The following KMT2C variants were observed in gnomAD, a reference collection of about 807,000 sequenced individuals.
KMT2C encodes the protein lysine methyltransferase 2C.
KMT2C carries 88 observed loss-of-function variants against 507.9 expected under a neutral mutation model. The observed-to-expected ratio is 0.17, with a 90% CI of 0.15 to 0.21. The LOEUF (loss-of-function observed/expected upper bound fraction) is 0.21. Among genes scored for constraint, KMT2C ranks in the 10% least tolerant of loss-of-function variants. The pLI is 1.00. For missense variants in KMT2C, 4,954 were observed against 5,957.8 expected (o/e 0.83, Z 5.55); for synonymous variants, 2,049 against 2,080.8 (o/e 0.98, Z 0.42).
At chr7:152,298,674 T>A (rs1458840700) in intron 6 of KMT2C, among the ~76,000 whole-genome samples, 1 of 152,186 alleles carries the variant, frequency 6.6e-6, no homozygotes, top group Non-Finnish European at 1.5e-5. Flanking sequence ...TGATGTCAGA[T>A]GAAAATCTGG....
intron 2 of KMT2C, among the ~76,000 whole-genome samples, chr7:152,346,910 A>G (rs2097063961): frequency 6.6e-6 from 1 of 151,596 alleles, no homozygotes. Flanking sequence ...GCGGATCAGG[A>G]GGTCAGGAGA....
At chr7:152,277,050 G>A (rs1032141422) in intron 6 of KMT2C, among the ~76,000 whole-genome samples, 2 of 151,988 alleles carry the variant, frequency 1.3e-5, no homozygotes, top group African/African-American at 2.4e-5. Flanking sequence ...CTGTCAAAAT[G>A]TATCCATAAA....
intron 39 of KMT2C, 62 bp downstream of exon 39, chr7:152,174,069 A>C: frequency 2.3e-6 from 2 of 876,364 alleles, no homozygotes; most frequent in Admixed American, 4.7e-5. Context: ...TTTTTCTAAA[A>C]ACTAGTAATG....
At chr7:152,414,575 A>G (rs2097715133) in intron 1 of KMT2C, among the ~76,000 whole-genome samples, 1 of 152,190 alleles carries the variant, frequency 6.6e-6, no homozygotes, top group Non-Finnish European at 1.5e-5. Context: ...AAACTACTCA[A>G]TAAGATTTAA....
At position 152,253,514 on chromosome 7, in the gene KMT2C, C is replaced by CAAAA. The variant is rs71198770; in HGVS notation, c.1300-803_1300-800dup. ...AGAAGGCAAAACACCTCTTTCTCTA[C>CAAAA]AAAAAAAAAAAAAAAAAAAAAAAAA... On this transcript the variant is annotated intron_variant, in intron 9 of 58. Coordinates refer to ENST00000262189, the MANE Select transcript of KMT2C (RefSeq NM_170606.3). Among the ~76,000 whole-genome samples, 72 of 39,492 alleles carry CAAAA rather than the reference C, an allele frequency of 1.8e-3. 2 individuals carry two copies. The highest frequency in any genetic ancestry group is 2.3e-3 in the Admixed American group (6 of 2,602). 25.9% of individuals were successfully genotyped at this position (39,492 alleles called of 152,430 possible). A position where few individuals can be genotyped will look rare whatever the true frequency, so the allele number is the denominator to read the frequency against.
intron 1 of KMT2C, among the ~76,000 whole-genome samples, chr7:152,417,798 C>A (rs1249037172): frequency 6.6e-6 from 1 of 151,840 alleles, no homozygotes; most frequent in Admixed American, 6.6e-5. Flanking sequence ...CCTGCCACCA[C>A]ACCCAGCTAA....
rs543154391 is a variant in KMT2C, at chr7:152,393,852, G to A, written c.162-35177C>T. On this transcript the variant is annotated intron_variant, in intron 1 of 58. Transcript: ENST00000262189. ...GGATGCAGTGCAGTGAGCCGAGATCGTGCCATTGCACTCCAGCCTGGGCAA... is the reference window on the plus strand; with the variant it reads ...GGATGCAGTGCAGTGAGCCGAGATCATGCCATTGCACTCCAGCCTGGGCAA... 1.2e-4 allele frequency among the ~76,000 whole-genome samples: 17 copies of A among 145,672 alleles called. No individual in the cohort carries two copies. The East Asian group carries it at 3.0e-3, about 26-fold the overall frequency.
chr7:152,334,194 G>A (rs556950664), intron 2 of KMT2C, among the ~76,000 whole-genome samples: 2 of 152,292 alleles, frequency 1.3e-5, no homozygotes, highest in African/African-American at 4.8e-5. Flanking sequence ...GGTGGCTCAC[G>A]CCTGTAATCC....
Position 152,138,408 on chromosome 7 carries a change from C to G in KMT2C, c.14643+388G>C. The stretch of plus-strand genomic sequence containing the variant: ...TTTGCCGCCCACAGCCCAACAGTGC[C>G]ATCTCAGGAGCCACGGCCCCCTTGG... On this transcript the variant is annotated intron_variant, in intron 58 of 58. Coordinates refer to ENST00000262189, the MANE Select transcript of KMT2C (RefSeq NM_170606.3). The surrounding 1 kb of genome is among the most constrained non-coding windows in gnomAD (Gnocchi z 4.2). 5.7e-6 allele frequency: 1 copy of G among 174,394 alleles called. No individual in the cohort carries two copies. Among genetic ancestry groups the G allele is most frequent in the East Asian group, 1.7e-4 (1 of 5,778 alleles). 10.8% of individuals were successfully genotyped at this position (174,394 alleles called of 1,614,324 possible). A position where few individuals can be genotyped will look rare whatever the true frequency, so the allele number is the denominator to read the frequency against.
At chr7:152,154,170 A>G in intron 47 of KMT2C, 24 bp from the exon 48 acceptor site, 1 of 1,612,276 alleles carries the variant, frequency 6.2e-7, no homozygotes, top group Non-Finnish European at 8.5e-7. Context: ...GAAAAAAAAG[A>G]GGAAAATAGT....
intron 2 of KMT2C, among the ~76,000 whole-genome samples, chr7:152,332,094 T>C (rs1182320746): frequency 2.0e-5 from 3 of 152,186 alleles, no homozygotes; most frequent in African/African-American, 7.2e-5. Flanking sequence ...TTCTAAAAGC[T>C]TAATATTTGA....
At chr7:152,338,100 C>T (rs1204154235) in intron 2 of KMT2C, among the ~76,000 whole-genome samples, 3 of 152,052 alleles carry the variant, frequency 2.0e-5, no homozygotes, top group East Asian at 1.9e-4. Context: ...CCTCGTGATC[C>T]GCTTGCCTCA....
Position 152,194,039 on chromosome 7 carries a change from G to A in KMT2C, c.4630C>T (p.Pro1544Ser). 1 of 1,584,100 alleles carries A rather than the reference G, an allele frequency of 6.3e-7. No homozygotes were observed. The highest frequency in any genetic ancestry group is 1.2e-5 in the South Asian group (1 of 85,476). The part of the protein sequence containing the change: ...QPTPLPQPPP[P>S]TQLLPIHNQD... ...TTGTGTATTGGCAACAGCTGTGTTGGTGGGGGAGGCTGTGGCAATGGAGTT... is the reference window on the plus strand; with the variant it reads ...TTGTGTATTGGCAACAGCTGTGTTGATGGGGGAGGCTGTGGCAATGGAGTT... The change falls in exon 31 of 59, where the codon CCA (proline) becomes TCA (serine). Residue 1544 changes from proline to serine, a missense_variant. Around this residue, in one of 29 missense-constraint regions of KMT2C, gnomAD observed 195 missense variants for 183.7 expected, o/e 1.06. Coordinates refer to ENST00000262189, the MANE Select transcript of KMT2C (RefSeq NM_170606.3).
intron 39 of KMT2C, among the ~76,000 whole-genome samples, chr7:152,173,607 C>CT (rs2093061376): frequency 1.3e-5 from 2 of 152,186 alleles, no homozygotes; most frequent in South Asian, 4.1e-4. Flanking sequence ...CTACTGTCTT[C>CT]TTTAATGCGT....
At chr7:152,368,544 G>C in intron 1 of KMT2C, 3 of 1,375,360 alleles carry the variant, frequency 2.2e-6, no homozygotes, top group Non-Finnish European at 3.1e-6. Context: ...AAGAATTAGA[G>C]GAAAAACGTC....
At chr7:152,249,214 T>C (rs2095523198) in intron 13 of KMT2C, among the ~76,000 whole-genome samples, 1 of 152,092 alleles carries the variant, frequency 6.6e-6, no homozygotes, top group Non-Finnish European at 1.5e-5. Context: ...TAAATCAGGA[T>C]ACCAGTATGT....
At chr7:152,425,066 T>C (rs1421063441) in intron 1 of KMT2C, among the ~76,000 whole-genome samples, 2 of 152,144 alleles carry the variant, frequency 1.3e-5, no homozygotes, top group African/African-American at 4.8e-5. Context: ...TGAATACCCA[T>C]AGGCATGATT....
intron 6 of KMT2C, among the ~76,000 whole-genome samples, chr7:152,282,874 G>GT (rs2096243852): frequency 1.3e-5 from 2 of 151,926 alleles, no homozygotes; most frequent in South Asian, 2.1e-4. Context: ...GAAAAATTAA[G>GT]TTTTTTCTAG....
At chr7:152,389,352 CAAAA>C (rs386411673) in intron 1 of KMT2C, among the ~76,000 whole-genome samples, 2 of 77,666 alleles carry the variant, frequency 2.6e-5, no homozygotes, top group Admixed American at 1.4e-4. Flanking sequence ...GACTCCGTCT[CAAAA>C]AAAAAAAAAA....
Sources: gnomAD v4.1 joint callset for allele counts (sites outside exome capture counted in the v4.1 genomes callset) on GRCh38, gnomAD v4.1.1 for gene constraint, gnomAD v4.1.1 regional missense constraint, Gnocchi (gnomAD v3.1) non-coding constraint, MANE v1.5 for transcripts, NCBI Gene and HGNC (gene_info 2026-07-23, HGNC 2026-07-21) for gene names.